The following SPTBN1 variants were observed in gnomAD, a reference collection of about 807,000 sequenced individuals.
The protein encoded by SPTBN1 is spectrin beta chain, non-erythrocytic 1.
A neutral mutation model predicts 266.4 loss-of-function variants in SPTBN1; 32 were observed. The ratio of observed to expected loss-of-function variants is 0.12; its 90% CI spans 0.09 to 0.16. The LOEUF (loss-of-function observed/expected upper bound fraction) is 0.16, where lower values mean the gene tolerates loss of function less well. Among genes scored for constraint, SPTBN1 ranks in the 10% least tolerant of loss-of-function variants. The pLI, the probability that SPTBN1 is intolerant of heterozygous loss-of-function variation, is 1.00. For missense variants in SPTBN1, 2,296 were observed against 3,067.1 expected (o/e 0.75, Z 5.94); for synonymous variants, 1,336 against 1,162.2 (o/e 1.15, Z -3.04).
intron 1 of SPTBN1, among the ~76,000 whole-genome samples, chr2:54,505,547 C>G (rs539378102): frequency 6.6e-6 from 1 of 152,292 alleles, no homozygotes; most frequent in East Asian, 1.9e-4. Context: ...TGTGCCAGCT[C>G]TCCCAGGAAG....
At chr2:54,625,342 T>C (rs1678252355) in intron 11 of SPTBN1, among the ~76,000 whole-genome samples, 1 of 152,162 alleles carries the variant, frequency 6.6e-6, no homozygotes, top group South Asian at 2.1e-4. Context: ...TGGCTTGACA[T>C]AAGCTATCAC....
intron 29 of SPTBN1, among the ~76,000 whole-genome samples, chr2:54,656,923 G>C (rs1464076653): frequency 1.3e-5 from 2 of 152,186 alleles, no homozygotes; most frequent in Non-Finnish European, 1.5e-5. Flanking sequence ...TCCCTGCCTT[G>C]AAAAGCCAGT....
intron 2 of SPTBN1, among the ~76,000 whole-genome samples, chr2:54,569,324 T>G (rs34077590): frequency 0.16 from 24,540 of 152,120 alleles, 2,052 homozygotes; most frequent in Middle Eastern, 0.2. Context: ...AGGTTATTAA[T>G]GGACTAAGTT....
At chr2:54,588,747 G>C (rs1250489731) in intron 2 of SPTBN1, among the ~76,000 whole-genome samples, 3 of 152,188 alleles carry the variant, frequency 2.0e-5, no homozygotes, top group Non-Finnish European at 4.4e-5. Flanking sequence ...AGGTTAATGG[G>C]CTCAGGATAT....
rs1366514408 is a variant in SPTBN1, at chr2:54,646,463, G to A, written c.4854G>A (p.Glu1618=). Residue 1618 remains glutamate (E), a synonymous_variant, in exon 23 of 36, where the codon GAG becomes GAA. Coordinates refer to ENST00000356805, the MANE Select transcript of SPTBN1 (RefSeq NM_003128.3). The surrounding 1 kb of genome is among the most constrained non-coding windows in gnomAD (Gnocchi z 4.4). ...MSEQELYMMS[E]EKAKDEQSAV... ...AGCAGGAGCTGTACATGATGTCAGA[G>A]GAGAAGGCCAAGGTGAGAGGAGGCG... The A allele has an allele frequency of 2.0e-6, 3 of 1,531,672 alleles. No homozygotes were observed. The highest frequency in any genetic ancestry group is 4.3e-5 in the Admixed American group (2 of 46,920). 94.9% of individuals were successfully genotyped at this position (1,531,672 alleles called of 1,614,324 possible). A position where few individuals can be genotyped will look rare whatever the true frequency, so the allele number is the denominator to read the frequency against.
intron 2 of SPTBN1, among the ~76,000 whole-genome samples, chr2:54,552,833 C>T (rs996221707): frequency 6.6e-5 from 10 of 152,208 alleles, no homozygotes; most frequent in Admixed American, 3.3e-4. Flanking sequence ...ATGGGCGGTA[C>T]TCTGTAAGTT....
chr2:54,516,938 A>G (rs888175298), intron 1 of SPTBN1, among the ~76,000 whole-genome samples: 1 of 152,202 alleles, frequency 6.6e-6, no homozygotes, highest in Non-Finnish European at 1.5e-5. Context: ...AGGTAGATTT[A>G]AATTTTTTCT....
At chr2:54,623,861 A>G (rs1678154120) in intron 10 of SPTBN1, among the ~76,000 whole-genome samples, 1 of 152,246 alleles carries the variant, frequency 6.6e-6, no homozygotes. Context: ...TCAGATACAT[A>G]TCACTTTACT....
At chr2:54,535,303 T>C (rs548198791) in intron 2 of SPTBN1, among the ~76,000 whole-genome samples, 86 of 152,334 alleles carry the variant, frequency 5.6e-4, no homozygotes, top group African/African-American at 2.0e-3. Context: ...TTCAGCAGTT[T>C]TTAAAATATA....
chr2:54,523,742 TC>T (rs1244857037), intron 1 of SPTBN1, among the ~76,000 whole-genome samples: 1 of 152,204 alleles, frequency 6.6e-6, no homozygotes, highest in African/African-American at 2.4e-5. Context: ...TCTTGAATGA[TC>T]CTTCTGTGTT....
chr2:54,631,229 C>A lies in SPTBN1; in HGVS notation c.3182C>A (p.Ala1061Asp). ...AACCGAGAGGCCTCCCTGGGAGAGG[C>A]CAGCAAGCTGCAGCAGTTCCTACGG... ...LKNREASLGE[A>D]SKLQQFLRDL... Residue 1061 changes from alanine (A) to aspartate (D), a missense_variant, in exon 16 of 36, where the codon GCC becomes GAC. Physicochemically the swap from Ala to Asp is moderately radical, Grantham distance 126 (BLOSUM62 -2). Around this residue, in one of 12 missense-constraint regions of SPTBN1, gnomAD observed 18 missense variants for 50.3 expected, o/e 0.36. Coordinates refer to ENST00000356805, the MANE Select transcript of SPTBN1 (RefSeq NM_003128.3). 1 of 1,614,176 alleles carries A rather than the reference C, an allele frequency of 6.2e-7. No homozygotes were observed. Among genetic ancestry groups the A allele is most frequent in the Non-Finnish European group, 8.5e-7 (1 of 1,180,016 alleles).
chr2:54,479,716 A>G (rs1668008324), intron 1 of SPTBN1, among the ~76,000 whole-genome samples: 1 of 152,196 alleles, frequency 6.6e-6, no homozygotes, highest in Non-Finnish European at 1.5e-5. Flanking sequence ...AAAACATGTA[A>G]AGTTTTGCAA....
intron 4 of SPTBN1, among the ~76,000 whole-genome samples, chr2:54,615,009 C>T (rs968770525): frequency 6.6e-6 from 1 of 152,112 alleles, no homozygotes. Flanking sequence ...GAGCCTGTCT[C>T]TCACCCCTTG....
intron 2 of SPTBN1, chr2:54,557,865 A>G: frequency 1.0e-6 from 1 of 985,374 alleles, no homozygotes; most frequent in African/African-American, 1.7e-5. Flanking sequence ...CAGCGCCCTG[A>G]GAGTGACTTT....
intron 18 of SPTBN1, among the ~76,000 whole-genome samples, chr2:54,638,879 T>TA (rs1437923553): frequency 6.6e-6 from 1 of 152,220 alleles, no homozygotes; most frequent in African/African-American, 2.4e-5. Flanking sequence ...TTAAAAGAAA[T>TA]ACGGCTCCAG....
intron 1 of SPTBN1, among the ~76,000 whole-genome samples, chr2:54,477,756 G>A (rs555350467): frequency 4.5e-4 from 69 of 152,128 alleles, no homozygotes; most frequent in Non-Finnish European, 9.0e-4. Flanking sequence ...TACTAAAAAT[G>A]CAAAAATTAG....
Position 54,628,284 on chromosome 2 carries a change from G to T in SPTBN1, c.1798+34G>T, listed in dbSNP as rs748767214. 2.1e-5 allele frequency: 34 copies of T among 1,581,558 alleles called. No homozygotes were observed. Among genetic ancestry groups the T allele is most frequent in the Non-Finnish European group, 1.7e-6 (2 of 1,164,470 alleles). ...GGCCCATTCCAAGCATTACCTCCGG[G>T]TCACCAGAGATTCATATTTATAGAA... On this transcript the variant is annotated intron_variant, in intron 13 of 35. Coordinates refer to ENST00000356805, the MANE Select transcript of SPTBN1 (RefSeq NM_003128.3). The surrounding 1 kb of genome is among the most constrained non-coding windows in gnomAD (Gnocchi z 4.3).
chr2:54,661,577 G>T (rs1572778308), intron 32 of SPTBN1: 1 of 985,802 alleles, frequency 1.0e-6, no homozygotes, highest in Middle Eastern at 5.2e-4. Context: ...GGGGTAGTAT[G>T]CATCATTATT....
At chr2:54,486,748 AAG>A (rs1246372171) in intron 1 of SPTBN1, among the ~76,000 whole-genome samples, 4 of 151,980 alleles carry the variant, frequency 2.6e-5, no homozygotes, top group Admixed American at 2.0e-4. Context: ...AAAAAAAAAA[AAG>A]AAAATCTAAG....
Sources: allele counts gnomAD v4.1 joint callset (sites outside exome capture counted in the v4.1 genomes callset), GRCh38; gene constraint gnomAD v4.1.1; regional missense constraint gnomAD v4.1.1; non-coding constraint Gnocchi (gnomAD v3.1); transcripts MANE v1.5; gene names NCBI Gene and HGNC (gene_info 2026-07-23, HGNC 2026-07-21).